Variants in GP2 observed in about 807,000 individuals in gnomAD.
GP2 encodes glycoprotein 2.
GP2 carries 58 observed loss-of-function variants against 60.8 expected under a neutral mutation model. The observed-to-expected ratio is 0.95, with a 90% CI of 0.77 to 1.19. GP2 has a LOEUF of 1.19. GP2 is among the 50% of genes most tolerant of loss of function. The pLI is 0.00. For synonymous variants in GP2, 280 were observed against 253.4 expected, an observed-to-expected ratio of 1.10 and a Z score of -1.00; for missense variants, 647 against 667.4, an observed-to-expected ratio of 0.97 and a Z score of 0.34.
intron 5 of GP2, among the ~76,000 whole-genome samples, chr16:20,319,970 T>C (rs577941721): frequency 5.3e-4 from 81 of 152,236 alleles, no homozygotes; most frequent in African/African-American, 1.9e-3. Flanking sequence ...GGCAAAAAAC[T>C]AGAACGATAA....
At chr16:20,322,766 A>C (rs1437671992) in intron 4 of GP2, 103 bp downstream of exon 4, 9 of 664,128 alleles carry the variant, frequency 1.4e-5, no homozygotes, top group Middle Eastern at 2.9e-4. Context: ...CCTCAGGTCC[A>C]TGCCCCTGAC....
intron 7 of GP2, among the ~76,000 whole-genome samples, chr16:20,317,643 C>A (rs1964227192): frequency 6.6e-6 from 1 of 152,194 alleles, no homozygotes; most frequent in Non-Finnish European, 1.5e-5. Context: ...CCTTACTTTT[C>A]TTATCTGTAA....
intron 4 of GP2, among the ~76,000 whole-genome samples, chr16:20,321,254 G>T (rs1041806483): frequency 6.6e-6 from 1 of 151,814 alleles, no homozygotes; most frequent in Non-Finnish European, 1.5e-5. Context: ...TAAAGATGGG[G>T]TTTTGCCATA....
Position 20,324,065 on chromosome 16 carries a change from C to T in GP2, c.286G>A (p.Val96Ile). 6.2e-7 allele frequency: 1 copy of T among 1,614,058 alleles called. No individual in the cohort carries two copies. Among genetic ancestry groups the T allele is most frequent in the South Asian group, 1.1e-5 (1 of 91,086 alleles). ...DKNMSGWYRF[V>I]GEGGVRMSET... ...GACATCCTTACTCCTCCTTCCCCTA[C>T]AAAGCGGTACCAGCCGCTCATGTTT... Residue 96 changes from valine (V) to isoleucine (I), a missense_variant, in exon 3 of 11, where the codon GTA (valine) becomes ATA (isoleucine). Transcript: ENST00000302555.
At chr16:20,327,149 G>A (rs894663777) in intron 1 of GP2, among the ~76,000 whole-genome samples, 3 of 152,200 alleles carry the variant, frequency 2.0e-5, no homozygotes, top group African/African-American at 4.8e-5. Context: ...CCATGAGTAT[G>A]CTATGAGACA....
chr16:20,313,253 G>A (rs201688539), intron 10 of GP2, among the ~76,000 whole-genome samples: 1 of 68,900 alleles, frequency 1.5e-5, no homozygotes, highest in Non-Finnish European at 6.0e-5. Flanking sequence ...CTCTCTCTCT[G>A]TCTCTCTGTC....
In GP2 at chr16:20,322,935, C is replaced by G. The variant is rs530327819; in HGVS notation, c.580G>C (p.Glu194Gln). Residue 194 changes from glutamate to glutamine, a missense_variant, in exon 4 of 11, where the codon GAG (glutamate) becomes CAG (glutamine). By Grantham distance (29) the Glu-to-Gln change is conservative. Coordinates refer to ENST00000302555, the MANE Select transcript of GP2 (RefSeq NM_001502.4). ...CTGTTGAGGGCAAGGCACTCCTCCT[C>G]GGGGCGGCAGGCCTTCTCACACTTG... is the stretch of plus-strand genomic sequence containing the variant. ...EDKCEKACRP[E>Q]EECLALNSTW... The G allele has an allele frequency of 1.2e-6, 2 of 1,613,278 alleles. No individual in the cohort carries two copies. Among genetic ancestry groups the G allele is most frequent in the Middle Eastern group, 1.7e-4 (1 of 6,044 alleles).
chr16:20,323,023 G>T, intron 3 of GP2, 44 bp from the exon 4 acceptor site: 1 of 1,160,210 alleles, frequency 8.6e-7, no homozygotes, highest in Non-Finnish European at 1.3e-6. Flanking sequence ...ATGCAGTGCG[G>T]GCTGGACTTG....
intron 7 of GP2, 122 bp downstream of exon 7, chr16:20,318,063 T>C (rs1964239946): frequency 1.3e-6 from 1 of 778,402 alleles, no homozygotes. Context: ...GTGATATTTC[T>C]GGGTCAAAGA....
Position 20,320,372 on chromosome 16 carries a change from T to C in GP2, c.748A>G (p.Ile250Val), listed in dbSNP as rs750318336. 7.4e-6 allele frequency: 12 copies of C among 1,613,836 alleles called. No individual in the cohort carries two copies. The Admixed American group carries it at 2.0e-4, about 27-fold the overall frequency. The change falls in exon 5 of 11, where the codon ATT becomes GTT. Residue 250 changes from isoleucine to valine, a missense_variant. By Grantham distance (29) the Ile-to-Val change is conservative. Transcript: ENST00000302555. ...LGGLGLGEEV[I>V]AYLRDPNCSS... Reference sequence around the variant, plus strand: ...CAGTTTGGGTCTCGCAGGTAGGCAATGACCTCCTCCCCCAAACCCAGGCCT... The same window carrying C: ...CAGTTTGGGTCTCGCAGGTAGGCAACGACCTCCTCCCCCAAACCCAGGCCT...
In GP2 at chr16:20,314,703, T is replaced by A; in HGVS notation, c.1502-2A>T. 1.2e-6 allele frequency: 2 copies of A among 1,600,120 alleles called. No homozygotes were observed. The highest frequency in any genetic ancestry group is 2.2e-5 in the South Asian group (2 of 90,816). On this transcript the variant is annotated splice_acceptor_variant, in intron 9 of 10. Transcript: ENST00000302555. LOFTEE classifies it high-confidence loss of function. ...TCATGACACCGGGAGACTGTGCACC[T>A]GTGAACAAGAACAGAAGGGGTGGGT...
rs1596522288 is a variant in GP2, at chr16:20,318,186, T to C, written c.1252A>G (p.Ser418Gly). ...GATAATTCCAGAATTGCTCGTTACCTGTTTCTGATGATGAAATACTTCACA... is the reference window on the plus strand; with the variant it reads ...GATAATTCCAGAATTGCTCGTTACCCGTTTCTGATGATGAAATACTTCACA... ...DLVKYFIIRN[S>G]CSNQRDSTIH... The change falls in exon 7 of 11, where the codon AGC (serine) becomes GGC (glycine). Residue 418 changes from serine (S) to glycine (G), a missense_variant and splice_region_variant. Physicochemically the swap from Ser to Gly is moderately conservative, Grantham distance 56. Coordinates refer to ENST00000302555, the MANE Select transcript of GP2 (RefSeq NM_001502.4). 1 of 1,612,832 alleles carries C rather than the reference T, an allele frequency of 6.2e-7. No homozygotes were observed.
At chr16:20,321,995 C>T (rs1964374509) in intron 4 of GP2, among the ~76,000 whole-genome samples, 2 of 152,212 alleles carry the variant, frequency 1.3e-5, no homozygotes, top group African/African-American at 4.8e-5. Flanking sequence ...GCCTTATCCA[C>T]TCAATGAGCA....
chr16:20,318,829 A>ATTT (rs1479636910), intron 6 of GP2, among the ~76,000 whole-genome samples: 1 of 152,084 alleles, frequency 6.6e-6, no homozygotes, highest in African/African-American at 2.4e-5. Flanking sequence ...TTTCATTTTG[A>ATTT]TTTTTTATGA....
intron 8 of GP2, among the ~76,000 whole-genome samples, chr16:20,316,570 A>G (rs4131902): frequency 0.08 from 12,169 of 152,218 alleles, 1,648 homozygotes; most frequent in East Asian, 0.69. Context: ...ACTTACATTA[A>G]AAAATGTATG....
Position 20,322,913 on chromosome 16 carries a change from T to C in GP2, c.602A>G (p.Asn201Ser). 6.2e-7 allele frequency: 1 copy of C among 1,613,132 alleles called. No individual in the cohort carries two copies. Reference sequence around the variant, plus strand: ...TCTGCAGAAACAGCCCCAGGTGCTGTTGAGGGCAAGGCACTCCTCCTCGGG... The same window carrying C: ...TCTGCAGAAACAGCCCCAGGTGCTGCTGAGGGCAAGGCACTCCTCCTCGGG... The part of the protein sequence containing the change: ...CRPEEECLAL[N>S]STWGCFCRQD... The change falls in exon 4 of 11, where the codon AAC (asparagine) becomes AGC (serine). Residue 201 changes from asparagine to serine, a missense_variant. Asn to Ser is a conservative substitution (Grantham distance 46). Transcript: ENST00000302555.
At chr16:20,312,369 CAA>C (rs1361420991) in intron 10 of GP2, among the ~76,000 whole-genome samples, 2 of 152,138 alleles carry the variant, frequency 1.3e-5, no homozygotes, top group African/African-American at 2.4e-5. Flanking sequence ...CAGTACATGA[CAA>C]AAAGTTATAA....
chr16:20,316,135 T>TTCTTG, intron 8 of GP2, 95 bp from the exon 9 acceptor site: 2 of 750,946 alleles, frequency 2.7e-6, no homozygotes, highest in Non-Finnish European at 4.8e-6. Flanking sequence ...CCAAGAACTG[T>TTCTTG]GTCCAGAACT....
chr16:20,319,059 G>A (rs1166278724), intron 6 of GP2, among the ~76,000 whole-genome samples: 2 of 152,030 alleles, frequency 1.3e-5, no homozygotes, highest in Non-Finnish European at 2.9e-5. Flanking sequence ...ACAGAGAAAA[G>A]CCCCTGCCCA....
Sources: gnomAD v4.1 joint callset for allele counts (sites outside exome capture counted in the v4.1 genomes callset) on GRCh38, gnomAD v4.1.1 for gene constraint, MANE v1.5 for transcripts, NCBI Gene and HGNC (gene_info 2026-07-23, HGNC 2026-07-21) for gene names.